Variants in KDM5B observed in about 807,000 individuals in gnomAD.
KDM5B encodes lysine-specific demethylase 5B.
A neutral mutation model predicts 193.4 loss-of-function variants in KDM5B; 144 were observed. The ratio of observed to expected loss-of-function variants is 0.74; its 90% CI spans 0.65 to 0.86. The LOEUF is 0.86. Ranked by LOEUF, KDM5B falls within the 40% of genes least tolerant of loss-of-function variation. The pLI is 0.00. For missense variants in KDM5B, 1,833 were observed against 1,886.9 expected (o/e 0.97, Z 0.53); for synonymous variants, 668 against 682.6 (o/e 0.98, Z 0.33).
intron 7 of KDM5B, among the ~76,000 whole-genome samples, chr1:202,762,269 C>CT (rs1476941938): frequency 6.6e-6 from 1 of 151,848 alleles, no homozygotes; most frequent in Admixed American, 6.6e-5. Flanking sequence ...CTTCCTTTCT[C>CT]TTTTTTGTTC....
intron 1 of KDM5B, among the ~76,000 whole-genome samples, chr1:202,806,276 T>C (rs1658291552): frequency 6.6e-6 from 1 of 152,198 alleles, no homozygotes; most frequent in Admixed American, 6.5e-5. Flanking sequence ...CCCCACGTTT[T>C]GGTTACTAAG....
At chr1:202,770,450 T>C (rs1488495842) in intron 4 of KDM5B, among the ~76,000 whole-genome samples, 5 of 152,204 alleles carry the variant, frequency 3.3e-5, no homozygotes, top group Non-Finnish European at 7.4e-5. Flanking sequence ...CTTAAGTATA[T>C]GTTCTTCAAT....
At chr1:202,777,213 AAC>A (rs1656992934) in intron 1 of KDM5B, 119 bp from the exon 2 acceptor site, 1 of 716,580 alleles carries the variant, frequency 1.4e-6, no homozygotes, top group Admixed American at 2.4e-5. Context: ...AACAAAATAG[AAC>A]ACAGAGTAGT....
At chr1:202,791,102 C>T (rs937084071) in intron 1 of KDM5B, among the ~76,000 whole-genome samples, 1 of 152,138 alleles carries the variant, frequency 6.6e-6, no homozygotes, top group Non-Finnish European at 1.5e-5. Context: ...AAGAAACTTA[C>T]CCTATGATAT....
intron 1 of KDM5B, among the ~76,000 whole-genome samples, chr1:202,801,851 G>T (rs1572786531): frequency 6.6e-6 from 1 of 152,230 alleles, no homozygotes; most frequent in East Asian, 1.9e-4. Context: ...GCTTTCCCAA[G>T]GTATCAACTC....
intron 1 of KDM5B, among the ~76,000 whole-genome samples, chr1:202,795,056 A>C (rs913515857): frequency 1.3e-5 from 2 of 151,528 alleles, no homozygotes; most frequent in African/African-American, 4.9e-5. Context: ...TCTACTAAAA[A>C]TACAAAAATT....
intron 14 of KDM5B, 51 bp from the exon 15 acceptor site, chr1:202,746,374 C>T: frequency 1.6e-6 from 2 of 1,242,766 alleles, no homozygotes; most frequent in Non-Finnish European, 2.2e-6. Context: ...TATAATCCAC[C>T]AGCCCAAGAC....
chr1:202,747,145 T>C, intron 14 of KDM5B, among the ~76,000 whole-genome samples: 1 of 152,200 alleles, frequency 6.6e-6, no homozygotes, highest in East Asian at 1.9e-4. Context: ...TTTTAACCTT[T>C]TAACTATTTC....
At chr1:202,800,471 G>C (rs1658029256) in intron 1 of KDM5B, among the ~76,000 whole-genome samples, 1 of 152,136 alleles carries the variant, frequency 6.6e-6, no homozygotes, top group South Asian at 2.1e-4. Context: ...CTCCCGAGCA[G>C]CTGGGACTAC....
intron 4 of KDM5B, among the ~76,000 whole-genome samples, chr1:202,772,219 G>C (rs1656749622): frequency 6.6e-6 from 1 of 152,162 alleles, no homozygotes; most frequent in Admixed American, 6.5e-5. Flanking sequence ...GGTGTGAATG[G>C]ATAATGACAC....
At chr1:202,744,365 C>A (rs1655466110) in intron 16 of KDM5B, among the ~76,000 whole-genome samples, 1 of 152,188 alleles carries the variant, frequency 6.6e-6, no homozygotes, top group Non-Finnish European at 1.5e-5. Context: ...CAAGGCCAGC[C>A]TGACTAACAT....
chr1:202,756,474 C>G lies in KDM5B; in HGVS notation c.1240G>C (p.Val414Leu). The G allele has an allele frequency of 6.2e-7, 1 of 1,610,806 alleles. No individual in the cohort carries two copies. The highest frequency in any genetic ancestry group is 8.5e-7 in the Non-Finnish European group (1 of 1,178,508). Reference sequence around the variant, plus strand: ...GTGACATCCTCCTCAATAGTGCTTACTAGTCTCCAAAATTCTTTCTCAACA... The same window carrying G: ...GTGACATCCTCCTCAATAGTGCTTAGTAGTCTCCAAAATTCTTTCTCAACA... ...ELVEKEFWRL[V>L]STIEEDVTVE... Residue 414 changes from valine (V) to leucine (L), a missense_variant, in exon 10 of 27, where the codon GTA (valine) becomes CTA (leucine). This residue lies in a region of KDM5B where 99 missense variants were observed against 162.4 expected (regional missense o/e 0.61). Coordinates refer to ENST00000367265, the MANE Select transcript of KDM5B (RefSeq NM_006618.5).
chr1:202,744,961 A>C (rs1655493625), intron 16 of KDM5B, among the ~76,000 whole-genome samples: 1 of 152,250 alleles, frequency 6.6e-6, no homozygotes, highest in African/African-American at 2.4e-5. Context: ...ATGGAATACT[A>C]TGCAGCCATA....
Position 202,731,923 on chromosome 1 carries a change from C to A in KDM5B, c.3926G>T (p.Gly1309Val). 3 of 1,612,026 alleles carry A rather than the reference C, an allele frequency of 1.9e-6. No homozygotes were observed. Among genetic ancestry groups the A allele is most frequent in the Non-Finnish European group, 2.5e-6 (3 of 1,179,070 alleles). The change falls in exon 24 of 27, where the codon GGC becomes GTC. Residue 1309 changes from glycine (G) to valine (V), a missense_variant. This residue lies in a region of KDM5B where 1,379 missense variants were observed against 1,349.6 expected (regional missense o/e 1.02). Transcript: ENST00000367265. ...ATCAGGCAAAGAAAATGATGTTGTG[C>A]CAGGAGGTTGAGATACCTAATGGAG... ...SDTNKVSQPP[G>V]TTSFSLPDDW... is the part of the protein sequence containing the mutation.
At chr1:202,741,128 T>G (rs1439894309) in intron 19 of KDM5B, among the ~76,000 whole-genome samples, 1 of 152,214 alleles carries the variant, frequency 6.6e-6, no homozygotes, top group South Asian at 2.1e-4. Context: ...TTAAACCAAC[T>G]CTAGAAAAGG....
At chr1:202,751,907 GAAGA>G (rs1558492175) in intron 12 of KDM5B, among the ~76,000 whole-genome samples, 2 of 152,116 alleles carry the variant, frequency 1.3e-5, no homozygotes, top group Non-Finnish European at 2.9e-5. Context: ...AATATTATGA[GAAGA>G]AATACCAACT....
chr1:202,747,258 G>A (rs547091128), intron 14 of KDM5B, among the ~76,000 whole-genome samples: 2 of 152,154 alleles, frequency 1.3e-5, no homozygotes, highest in Non-Finnish European at 2.9e-5. Context: ...GGACTTCATG[G>A]GATGGAGAAA....
chr1:202,738,088 T>C (rs1048313058), intron 20 of KDM5B, among the ~76,000 whole-genome samples: 6 of 152,202 alleles, frequency 3.9e-5, no homozygotes, highest in African/African-American at 1.4e-4. Flanking sequence ...AAATAGGAAG[T>C]AGTTCCTTGT....
At position 202,735,505 on chromosome 1, in the gene KDM5B, T is replaced by C. The variant is rs916179893; in HGVS notation, c.3347A>G (p.Lys1116Arg). The change falls in exon 22 of 27, where the codon AAG becomes AGG. Residue 1116 changes from lysine (K) to arginine (R), a missense_variant. Physicochemically the swap from Lys to Arg is conservative, Grantham distance 26. Around this residue, in one of 3 missense-constraint regions of KDM5B, gnomAD observed 1,379 missense variants for 1,349.6 expected, o/e 1.02. Transcript: ENST00000367265. ...RKLKEPLPNG[K>R]KKSTKLESLS... Reference sequence around the variant, plus strand: ...ACTCTCTAATTTGGTGCTTTTTTTCTTTCCATTTGGCAAGGGCTCCTTTAA... The same window carrying C: ...ACTCTCTAATTTGGTGCTTTTTTTCCTTCCATTTGGCAAGGGCTCCTTTAA... 2.5e-6 allele frequency: 4 copies of C among 1,614,038 alleles called. No homozygotes were observed. The African/African-American group carries it at 4.0e-5, about 16-fold the overall frequency.
Sources: gnomAD v4.1 joint callset for allele counts (sites outside exome capture counted in the v4.1 genomes callset) on GRCh38, gnomAD v4.1.1 for gene constraint, gnomAD v4.1.1 regional missense constraint, MANE v1.5 for transcripts, NCBI Gene and HGNC (gene_info 2026-07-23, HGNC 2026-07-21) for gene names.